Variants in ELP2 observed in about 807,000 individuals in gnomAD.
ELP2 encodes the protein elongator acetyltransferase complex subunit 2, also known as elongator complex protein 2.
In ELP2, 90 loss-of-function variants were observed where a neutral mutation model predicts 119.2. The observed-to-expected ratio is 0.75, with a 90% CI of 0.64 to 0.90. The LOEUF (loss-of-function observed/expected upper bound fraction) is 0.90. Ranked by LOEUF, ELP2 falls within the 40% of genes least tolerant of loss-of-function variation. The pLI, the probability that ELP2 is intolerant of heterozygous loss-of-function variation, is 0.00. For missense variants in ELP2, 921 were observed against 967.8 expected (o/e 0.95, Z 0.64); for synonymous variants, 339 against 331.0 (o/e 1.02, Z -0.26).
chr18:36,175,890 G>C lies in ELP2; in HGVS notation c.*1249G>C, dbSNP rs1424425272. ...GAGGAAGGTGAGGATTTTCTTGGTG[G>C]GAGTTTATGCTGTTATTTAACATAT... On this transcript the variant is annotated 3_prime_UTR_variant, in exon 22 of 22. Transcript: ENST00000358232. 1.3e-5 allele frequency: 2 copies of C among 152,094 alleles called. No homozygotes were observed. The highest frequency in any genetic ancestry group is 2.4e-5 in the African/African-American group (1 of 41,390). 9.4% of individuals were successfully genotyped at this position (152,094 alleles called of 1,614,324 possible). A position where few individuals can be genotyped will look rare whatever the true frequency, so the allele number is the denominator to read the frequency against.
chr18:36,141,311 A>G (rs2090019704), intron 6 of ELP2, 110 bp downstream of exon 6: 4 of 901,612 alleles, frequency 4.4e-6, no homozygotes, highest in East Asian at 2.6e-5. Flanking sequence ...CTAAACCAAA[A>G]TAATCCAATA....
In ELP2 at chr18:36,129,982, C is replaced by T. The variant is rs773516584; in HGVS notation, c.49C>T (p.Arg17Trp). The stretch of plus-strand genomic sequence containing the variant: ...TTCTCACGTGTTTTGCTGCCCAAAC[C>T]GGGTGCGGGGAGTCCTGAACTGGAG... ...ETSHVFCCPN[R>W]VRGVLNWSSG... Residue 17 changes from arginine to tryptophan, a missense_variant, in exon 1 of 22, where the codon CGG (arginine) becomes TGG (tryptophan). Physicochemically the swap from Arg to Trp is moderately radical, Grantham distance 101 (BLOSUM62 -3). Coordinates refer to ENST00000358232, the MANE Select transcript of ELP2 (RefSeq NM_018255.4). 1.2e-6 allele frequency: 2 copies of T among 1,614,204 alleles called. No homozygotes were observed. Among genetic ancestry groups the T allele is most frequent in the Non-Finnish European group, 1.7e-6 (2 of 1,180,030 alleles).
intron 5 of ELP2, chr18:36,139,789 C>T: frequency 2.4e-6 from 1 of 413,248 alleles, no homozygotes. Context: ...GATTTTTTAT[C>T]TTATTAAAAT....
intron 5 of ELP2, 31 bp from the exon 6 acceptor site, chr18:36,141,106 T>G: frequency 6.3e-7 from 1 of 1,582,358 alleles, no homozygotes; most frequent in Non-Finnish European, 8.7e-7. Context: ...AATAGAGAAC[T>G]CACAGTGAAG....
intron 21 of ELP2, among the ~76,000 whole-genome samples, chr18:36,171,659 C>T (rs112990571): frequency 9.3e-4 from 142 of 152,278 alleles, no homozygotes; most frequent in African/African-American, 3.3e-3. Flanking sequence ...AACCTCCTCC[C>T]CATCCCACCC....
chr18:36,179,479 A>G lies in ELP2; in HGVS notation c.*4838A>G, dbSNP rs1365585655. 6.9e-6 allele frequency: 1 copy of G among 144,476 alleles called. No homozygotes were observed. The highest frequency in any genetic ancestry group is 2.7e-5 in the African/African-American group (1 of 36,468). 8.9% of individuals were successfully genotyped at this position (144,476 alleles called of 1,614,324 possible). ...CAACAGAGTGAGACTCCATCTCAAA[A>G]AAAAAAAAAAAAAAAAAAAAAATCT... On this transcript the variant is annotated 3_prime_UTR_variant, in exon 22 of 22. Coordinates refer to ENST00000358232, the MANE Select transcript of ELP2 (RefSeq NM_018255.4).
At chr18:36,164,773 G>C (rs2090845003) in intron 18 of ELP2, 106 bp downstream of exon 18, 1 of 1,113,968 alleles carries the variant, frequency 9.0e-7, no homozygotes, top group African/African-American at 1.5e-5. Context: ...GAAGGGTAGA[G>C]CCTCATGTCT....
chr18:36,145,093 C>A lies in ELP2; in HGVS notation c.892+59C>A, dbSNP rs985639820. On this transcript the variant is annotated intron_variant, in intron 9 of 21. Coordinates refer to ENST00000358232, the MANE Select transcript of ELP2 (RefSeq NM_018255.4). ...CAGTTAAATCTTATGGCACAGTAAG[C>A]TGACCAAATCAAGTGGAGAATTTTT... 3.8e-6 allele frequency: 5 copies of A among 1,317,268 alleles called. No individual in the cohort carries two copies. In the African/African-American group the frequency reaches 5.8e-5, roughly 15 times the overall value. The allele number at this position is 1,317,268 out of a possible 1,614,324, so 81.6% of individuals were successfully genotyped here. A position where few individuals can be genotyped will look rare whatever the true frequency, so the allele number is the denominator to read the frequency against.
intron 12 of ELP2, among the ~76,000 whole-genome samples, chr18:36,156,248 A>G (rs1255509539): frequency 6.6e-6 from 1 of 152,228 alleles, no homozygotes; most frequent in African/African-American, 2.4e-5. Context: ...TGGGAACAGC[A>G]TCTATAGTCA....
At chr18:36,132,858 T>C (rs1388228644) in intron 1 of ELP2, among the ~76,000 whole-genome samples, 1 of 151,526 alleles carries the variant, frequency 6.6e-6, no homozygotes, top group Non-Finnish European at 1.5e-5. Context: ...CTCAGATTGG[T>C]GCAAGCATAG....
intron 17 of ELP2, among the ~76,000 whole-genome samples, chr18:36,163,272 G>GT (rs2090793612): frequency 6.7e-6 from 1 of 148,584 alleles, no homozygotes; most frequent in South Asian, 2.1e-4. Context: ...GTAGTTCATG[G>GT]GGGGTGTGTG....
chr18:36,138,324 G>A lies in ELP2; in HGVS notation c.343G>A (p.Ala115Thr). The A allele has an allele frequency of 6.2e-7, 1 of 1,614,114 alleles. No individual in the cohort carries two copies. The highest frequency in any genetic ancestry group is 8.5e-7 in the Non-Finnish European group (1 of 1,179,998). ...TGAAGGACCTGTTTATGCGGTGCAT[G>A]CTGTTTACCAGAGGAGGACATCAGA... is the stretch of plus-strand genomic sequence containing the variant. ...GHEGPVYAVHAVYQRRTSDPA... is the reference protein window; with the variant it reads ...GHEGPVYAVHTVYQRRTSDPA... Residue 115 changes from alanine to threonine, a missense_variant, in exon 4 of 22, where the codon GCT becomes ACT. Ala to Thr is a moderately conservative substitution (Grantham distance 58, BLOSUM62 0). Coordinates refer to ENST00000358232, the MANE Select transcript of ELP2 (RefSeq NM_018255.4).
At chr18:36,140,138 C>T (rs920070386) in intron 5 of ELP2, among the ~76,000 whole-genome samples, 3 of 151,958 alleles carry the variant, frequency 2.0e-5, no homozygotes, top group African/African-American at 7.3e-5. Context: ...GCCACTGCGT[C>T]TGGATCCCCT....
At chr18:36,173,331 A>G (rs1417740308) in intron 21 of ELP2, among the ~76,000 whole-genome samples, 3 of 152,236 alleles carry the variant, frequency 2.0e-5, no homozygotes, top group Admixed American at 6.5e-5. Context: ...GCAAGAAAAC[A>G]AATTATAATG....
chr18:36,176,292 T>G lies in ELP2; in HGVS notation c.*1651T>G, dbSNP rs1030104844. 6.6e-6 allele frequency: 1 copy of G among 152,104 alleles called. No homozygotes were observed. The highest frequency in any genetic ancestry group is 2.4e-5 in the African/African-American group (1 of 41,374). The allele number at this position is 152,104 out of a possible 1,614,324, so 9.4% of individuals were successfully genotyped here. On this transcript the variant is annotated 3_prime_UTR_variant, in exon 22 of 22. Transcript: ENST00000358232. ...TTGTGCCGTCAGCTGGGGGGTGGGG[T>G]GTGTGTGCGTGTATACCAAGGCAGT... is the stretch of plus-strand genomic sequence containing the variant.
chr18:36,142,923 T>C lies in ELP2; in HGVS notation c.753T>C (p.Asp251=), dbSNP rs751587283. The C allele has an allele frequency of 1.3e-6, 2 of 1,596,048 alleles. No individual in the cohort carries two copies. The highest frequency in any genetic ancestry group is 2.2e-5 in the East Asian group (1 of 44,632). The part of the protein sequence containing the change: ...KSTSLETQDD[D]NIRLKENTFT... ...CATCTTTAGAAACTCAGGATGACGA[T>C]AACATAAGACTGAAAGAAAATACTT... Residue 251 remains aspartate, a synonymous_variant, in exon 8 of 22, where the codon GAT becomes GAC. Coordinates refer to ENST00000358232, the MANE Select transcript of ELP2 (RefSeq NM_018255.4).
At chr18:36,142,794 T>C (rs756010057) in intron 7 of ELP2, 32 bp from the exon 8 acceptor site, 1 of 1,473,538 alleles carries the variant, frequency 6.8e-7, no homozygotes, top group Admixed American at 1.8e-5. Flanking sequence ...AATATAATGT[T>C]TTAAAATTAA....
chr18:36,136,479 G>T (rs1008715358), intron 3 of ELP2, 102 bp downstream of exon 3: 4 of 947,478 alleles, frequency 4.2e-6, no homozygotes, highest in Non-Finnish European at 5.2e-6. Flanking sequence ...GCAGTGGTGC[G>T]ATCGTGGCTC....
At chr18:36,139,314 C>T (rs976090562) in intron 5 of ELP2, 31 of 1,133,714 alleles carry the variant, frequency 2.7e-5, no homozygotes, top group Non-Finnish European at 3.7e-5. Context: ...AATCTGCAAA[C>T]AGAAAAATTT....
Sources: allele counts gnomAD v4.1 joint callset (sites outside exome capture counted in the v4.1 genomes callset), GRCh38; gene constraint gnomAD v4.1.1; transcripts MANE v1.5; gene names NCBI Gene and HGNC (gene_info 2026-07-23, HGNC 2026-07-21).